RNF19A: variants seen among roughly 807,000 people sequenced by gnomAD.
The protein encoded by RNF19A is ring finger protein 19A, RBR E3 ubiquitin protein ligase, also known as E3 ubiquitin-protein ligase RNF19A.
RNF19A carries 32 observed loss-of-function variants against 75.7 expected under a neutral mutation model. That is an observed-to-expected ratio of 0.42 (90% CI 0.32 to 0.57). The LOEUF (loss-of-function observed/expected upper bound fraction) is 0.57, where lower values mean the gene tolerates loss of function less well. Among genes scored for constraint, RNF19A ranks in the 20% least tolerant of loss-of-function variants. The pLI is 0.10. For synonymous variants in RNF19A, 335 were observed against 345.2 expected, an observed-to-expected ratio of 0.97 and a Z score of 0.33; for missense variants, 782 against 1,036.3, an observed-to-expected ratio of 0.75 and a Z score of 3.37.
rs771883804 is a variant in RNF19A, at chr8:100,258,616, T to G, written c.2457A>C (p.Thr819=). 28 of 1,613,932 alleles carry G rather than the reference T, an allele frequency of 1.7e-5. 1 individual carries two copies. The South Asian group carries it at 3.0e-4, about 17-fold the overall frequency. ...TTGTCTGATGTGAGTGGTTGTTATT[T>G]GTTTCTTTTAGTGCATCGCCAAAAT... The part of the protein sequence containing the change: ...DLYFGDALKE[T]NNNHSHQTME... The change falls in exon 10 of 10, where the codon ACA becomes ACC. Residue 819 remains threonine (T), a synonymous_variant. Transcript: ENST00000341084. The surrounding 1 kb of genome is among the most constrained non-coding windows in gnomAD (Gnocchi z 4.3).
chr8:100,274,573 T>A (rs1001785730), intron 3 of RNF19A, among the ~76,000 whole-genome samples: 1 of 152,106 alleles, frequency 6.6e-6, no homozygotes, highest in African/African-American at 2.4e-5. Context: ...TTAGTAGAGA[T>A]GGGGTTTCAC....
At chr8:100,320,343 G>A (rs1296331004) in intron 1 of RNF19A, among the ~76,000 whole-genome samples, 6 of 152,106 alleles carry the variant, frequency 3.9e-5, no homozygotes, top group Non-Finnish European at 7.4e-5. Context: ...GTTGATACAT[G>A]GAAATTTAGT....
intron 3 of RNF19A, among the ~76,000 whole-genome samples, chr8:100,273,138 A>T (rs980257008): frequency 2.0e-5 from 3 of 152,186 alleles, no homozygotes; most frequent in African/African-American, 7.2e-5. Context: ...AAGTGCTGGG[A>T]TTACAGGTGT....
intron 2 of RNF19A, among the ~76,000 whole-genome samples, chr8:100,280,623 T>C (rs1001277176): frequency 6.6e-6 from 1 of 152,218 alleles, no homozygotes; most frequent in Non-Finnish European, 1.5e-5. Flanking sequence ...TTTTCATAAA[T>C]GTATAATCTG....
intron 1 of RNF19A, among the ~76,000 whole-genome samples, chr8:100,299,809 C>A (rs184329814): frequency 1.4e-4 from 21 of 152,170 alleles, no homozygotes; most frequent in African/African-American, 5.1e-4. Flanking sequence ...CTAATCTTAT[C>A]CTAACCACTT....
At chr8:100,292,287 G>C (rs1305128126) in intron 1 of RNF19A, among the ~76,000 whole-genome samples, 1 of 152,144 alleles carries the variant, frequency 6.6e-6, no homozygotes, top group Non-Finnish European at 1.5e-5. Flanking sequence ...TGCTTTGATA[G>C]CAAAGATATT....
intron 3 of RNF19A, 51 bp from the exon 4 acceptor site, chr8:100,270,064 T>C: frequency 7.1e-7 from 1 of 1,418,134 alleles, no homozygotes; most frequent in African/African-American, 1.5e-5. Context: ...GGTCTAAAAA[T>C]AACTTCTAGC....
At chr8:100,300,348 A>C (rs1821767514) in intron 1 of RNF19A, among the ~76,000 whole-genome samples, 1 of 152,230 alleles carries the variant, frequency 6.6e-6, no homozygotes. Context: ...CTTACTGAGA[A>C]TTCAAAAGCA....
Position 100,259,423 on chromosome 8 carries a change from T to C in RNF19A, c.1827-177A>G, listed in dbSNP as rs1819608378. 1.3e-5 allele frequency: 8 copies of C among 604,210 alleles called. No individual in the cohort carries two copies. The East Asian group carries it at 2.2e-4, about 17-fold the overall frequency. 37.4% of individuals were successfully genotyped at this position (604,210 alleles called of 1,614,324 possible). ...GATATAACAGAACTCTTTATAATGC[T>C]TCAATGTTTTAAAATAGTGGTGGAC... On this transcript the variant is annotated intron_variant, in intron 9 of 9. Coordinates refer to ENST00000341084, the MANE Select transcript of RNF19A (RefSeq NM_183419.4). This position sits in a 1 kb window ranked among gnomAD's most constrained non-coding sequence, Gnocchi z 4.5.
upstream of RNF19A, among the ~76,000 whole-genome samples, chr8:100,311,338 C>G (rs935946117): frequency 6.6e-6 from 1 of 152,080 alleles, no homozygotes; most frequent in Non-Finnish European, 1.5e-5. Flanking sequence ...AGGCTGCCAG[C>G]GACTTTACAT....
At chr8:100,327,048 A>G (rs979256396) in intron 1 of RNF19A, among the ~76,000 whole-genome samples, 1 of 152,098 alleles carries the variant, frequency 6.6e-6, no homozygotes, top group African/African-American at 2.4e-5. Context: ...AAATGATTCT[A>G]TGTGGATTGT....
chr8:100,280,668 T>C (rs780195444), intron 2 of RNF19A, among the ~76,000 whole-genome samples: 14 of 152,220 alleles, frequency 9.2e-5, no homozygotes, highest in Non-Finnish European at 1.9e-4. Context: ...CTAGTAGTTT[T>C]TTCTCACACT....
chr8:100,257,121 C>T lies in RNF19A; in HGVS notation c.*1435G>A, dbSNP rs908301458. The T allele has an allele frequency of 6.6e-6, 1 of 152,394 alleles. No individual in the cohort carries two copies. The highest frequency in any genetic ancestry group is 2.4e-5 in the African/African-American group (1 of 41,354). The allele number at this position is 152,394 out of a possible 1,614,324, so 9.4% of individuals were successfully genotyped here. ...TGCAGTTTACACACTCATTATTAAA[C>T]AAAATTGGAATGCAAACAAATATAC... is the stretch of plus-strand genomic sequence containing the variant. On this transcript the variant is annotated 3_prime_UTR_variant, in exon 10 of 10. Transcript: ENST00000341084.
Position 100,314,971 on chromosome 8 carries a change from C to T in RNF19A, c.-242-1599G>A, listed in dbSNP as rs1196510068. Among the ~76,000 whole-genome samples, 1 of 152,206 alleles carries T rather than the reference C, an allele frequency of 6.6e-6. No individual in the cohort carries two copies. Among genetic ancestry groups the T allele is most frequent in the African/African-American group, 2.4e-5 (1 of 41,454 alleles). ...ACACCAATATGGTAAAGTATCGTCC[C>T]TCCCCTTGAGCAGCTTGTAAACTTG... On this transcript the variant is annotated intron_variant, in intron 1 of 3. Coordinates refer to the RNF19A transcript ENST00000519527. The surrounding 1 kb of genome is among the most constrained non-coding windows in gnomAD (Gnocchi z 4.1).
intron 1 of RNF19A, among the ~76,000 whole-genome samples, chr8:100,335,274 G>A (rs1430144958): frequency 6.6e-6 from 1 of 152,116 alleles, no homozygotes; most frequent in South Asian, 2.1e-4. Flanking sequence ...CATCCTAAAT[G>A]TTTAATTTGG....
chr8:100,279,683 T>C (rs973371513), intron 2 of RNF19A, among the ~76,000 whole-genome samples: 14 of 152,166 alleles, frequency 9.2e-5, no homozygotes. Context: ...ATCACCATGC[T>C]TGGCTAATTT....
In RNF19A at chr8:100,259,822, T is replaced by C. The variant is rs748531419; in HGVS notation, c.1826+32A>G. ...GGAATTATTCCTTTAATTTAAAAAA[T>C]ACTTTCAATTTTTTAACAGTTTTTT... On this transcript the variant is annotated intron_variant, in intron 9 of 9. Coordinates refer to ENST00000341084, the MANE Select transcript of RNF19A (RefSeq NM_183419.4). This position sits in a 1 kb window ranked among gnomAD's most constrained non-coding sequence, Gnocchi z 4.5. 1.3e-6 allele frequency: 2 copies of C among 1,576,472 alleles called. No homozygotes were observed. The highest frequency in any genetic ancestry group is 1.7e-6 in the Non-Finnish European group (2 of 1,153,714).
In RNF19A at chr8:100,304,749, G is replaced by A. The variant is rs1333892595; in HGVS notation, c.-94+5118C>T. Among the ~76,000 whole-genome samples, 3 of 152,160 alleles carry A rather than the reference G, an allele frequency of 2.0e-5. No homozygotes were observed. The East Asian group carries it at 5.8e-4, about 29-fold the overall frequency. On this transcript the variant is annotated intron_variant, in intron 1 of 9. Transcript: ENST00000341084. ...TATTGTTACTGATTCCAATGTGGGA[G>A]GTAACAGTACATTCTATATGCACCA...
chr8:100,289,192 A>G (rs1176378961), intron 1 of RNF19A, among the ~76,000 whole-genome samples: 1 of 152,198 alleles, frequency 6.6e-6, no homozygotes, highest in African/African-American at 2.4e-5. Context: ...TCCACCTGAG[A>G]AAAGAAACTT....
Sources: gnomAD v4.1 joint callset for allele counts (sites outside exome capture counted in the v4.1 genomes callset) on GRCh38, gnomAD v4.1.1 for gene constraint, Gnocchi (gnomAD v3.1) non-coding constraint, MANE v1.5 for transcripts, NCBI Gene and HGNC (gene_info 2026-07-23, HGNC 2026-07-21) for gene names.